Variants in CPA6 observed in about 807,000 individuals in gnomAD.
CPA6 encodes the protein carboxypeptidase B.
In CPA6, 58 loss-of-function variants were observed where a neutral mutation model predicts 63.3. The ratio of observed to expected loss-of-function variants is 0.92; its 90% CI spans 0.74 to 1.14. The LOEUF (loss-of-function observed/expected upper bound fraction) is 1.14, where lower values mean the gene tolerates loss of function less well. Among genes scored for constraint, CPA6 ranks in the 50% most tolerant of loss-of-function variants. The probability of loss-of-function intolerance (pLI) is 0.00; values close to 1 mark genes in which losing one functional copy is unlikely to be tolerated. For missense variants in CPA6, 565 were observed against 526.6 expected, an observed-to-expected ratio of 1.07 and a Z score of -0.71; for synonymous variants, 185 against 179.0, an observed-to-expected ratio of 1.03 and a Z score of -0.27.
At chr8:67,447,663 A>G (rs1465563292) in intron 8 of CPA6, among the ~76,000 whole-genome samples, 1 of 152,172 alleles carries the variant, frequency 6.6e-6, no homozygotes, top group African/African-American at 2.4e-5. Context: ...GTTACTATTT[A>G]TATTTCCACA....
intron 1 of CPA6, among the ~76,000 whole-genome samples, chr8:67,684,551 T>A (rs1222365682): frequency 6.6e-6 from 1 of 152,078 alleles, no homozygotes; most frequent in Non-Finnish European, 1.5e-5. Context: ...GGAATGACAA[T>A]GAAACAGAGC....
intron 2 of CPA6, among the ~76,000 whole-genome samples, chr8:67,562,215 C>T (rs1404013476): frequency 6.6e-6 from 1 of 152,156 alleles, no homozygotes; most frequent in Non-Finnish European, 1.5e-5. Context: ...TAGGCCTTTC[C>T]AACCTCAAAT....
chr8:67,639,449 C>G (rs1815540550), intron 1 of CPA6, among the ~76,000 whole-genome samples: 1 of 151,800 alleles, frequency 6.6e-6, no homozygotes, highest in South Asian at 2.1e-4. Flanking sequence ...GCTAGGCACA[C>G]AGACTGTGCT....
chr8:67,493,214 T>C (rs1263695208), intron 6 of CPA6, among the ~76,000 whole-genome samples: 2 of 152,226 alleles, frequency 1.3e-5, no homozygotes, highest in African/African-American at 2.4e-5. Context: ...AGTTCTCTTC[T>C]TAAAAATGTT....
chr8:67,690,295 C>A (rs1438468970), intron 1 of CPA6, among the ~76,000 whole-genome samples: 1 of 152,046 alleles, frequency 6.6e-6, no homozygotes, highest in Non-Finnish European at 1.5e-5. Flanking sequence ...TTTGATATAT[C>A]AGAGGTTAAT....
chr8:67,672,181 G>T (rs780851288), intron 1 of CPA6, among the ~76,000 whole-genome samples: 2 of 152,002 alleles, frequency 1.3e-5, no homozygotes, highest in Non-Finnish European at 2.9e-5. Flanking sequence ...CAGTTTAATG[G>T]CATGAACAAA....
intron 2 of CPA6, among the ~76,000 whole-genome samples, chr8:67,586,393 G>A (rs1367910009): frequency 2.0e-5 from 3 of 152,148 alleles, no homozygotes; most frequent in Non-Finnish European, 4.4e-5. Flanking sequence ...ATAGAAGATT[G>A]TTGGATCAGA....
chr8:67,698,207 G>C (rs888291621), intron 1 of CPA6, among the ~76,000 whole-genome samples: 6 of 152,184 alleles, frequency 3.9e-5, no homozygotes, highest in Non-Finnish European at 7.3e-5. Flanking sequence ...TCTTATGTCT[G>C]TCCAGATGGG....
At chr8:67,638,627 T>G (rs1815522451) in intron 1 of CPA6, among the ~76,000 whole-genome samples, 1 of 151,456 alleles carries the variant, frequency 6.6e-6, no homozygotes, top group Non-Finnish European at 1.5e-5. Flanking sequence ...TGAAGGGAAG[T>G]GCTTCATCTA....
intron 1 of CPA6, among the ~76,000 whole-genome samples, chr8:67,626,471 G>A (rs1368593367): frequency 6.6e-6 from 1 of 152,052 alleles, no homozygotes; most frequent in Non-Finnish European, 1.5e-5. Flanking sequence ...TTACAGCTTT[G>A]ATTTCCTCAA....
intron 4 of CPA6, among the ~76,000 whole-genome samples, chr8:67,509,891 G>A (rs905135059): frequency 2.0e-5 from 3 of 151,936 alleles, no homozygotes; most frequent in Non-Finnish European, 1.5e-5. Flanking sequence ...ATTAATATAC[G>A]GGTAACAGAT....
intron 1 of CPA6, among the ~76,000 whole-genome samples, chr8:67,739,507 T>C (rs147350999): frequency 4.7e-4 from 71 of 152,330 alleles, no homozygotes; most frequent in African/African-American, 1.4e-3. Context: ...TCCTTTGTAG[T>C]TCCTAACGCC....
intron 2 of CPA6, among the ~76,000 whole-genome samples, chr8:67,584,356 C>T (rs1368758178): frequency 6.6e-6 from 1 of 152,038 alleles, no homozygotes; most frequent in Admixed American, 6.6e-5. Context: ...ATGTCTTGTT[C>T]ATCACTGAGG....
At chr8:67,468,044 C>T (rs1284164384) in intron 8 of CPA6, among the ~76,000 whole-genome samples, 4 of 151,718 alleles carry the variant, frequency 2.6e-5, no homozygotes, top group East Asian at 3.9e-4. Flanking sequence ...GGCGACAGAA[C>T]GGGACACCAT....
chr8:67,654,057 T>C (rs1293575329), intron 1 of CPA6, among the ~76,000 whole-genome samples: 1 of 152,232 alleles, frequency 6.6e-6, no homozygotes, highest in African/African-American at 2.4e-5. Flanking sequence ...CTGATTTGCA[T>C]ATATTGAACC....
At chr8:67,669,791 A>T (rs948474792) in intron 1 of CPA6, among the ~76,000 whole-genome samples, 9 of 135,856 alleles carry the variant, frequency 6.6e-5, no homozygotes, top group Non-Finnish European at 1.2e-4. Flanking sequence ...AAATTATCTA[A>T]AGACAAAAAA....
At chr8:67,482,441 A>T (rs1259313610) in intron 8 of CPA6, among the ~76,000 whole-genome samples, 1 of 152,196 alleles carries the variant, frequency 6.6e-6, no homozygotes, top group Non-Finnish European at 1.5e-5. Context: ...ACAATTTCTA[A>T]ATAGAAATAG....
chr8:67,738,405 G>A (rs2553670), intron 1 of CPA6, among the ~76,000 whole-genome samples: 124,654 of 152,216 alleles, frequency 0.82, 51,261 homozygotes, highest in Admixed American at 0.86. Context: ...TGGCAGAGCT[G>A]CAAGACAGAA....
At chr8:67,596,797 C>T (rs777480888) in intron 2 of CPA6, among the ~76,000 whole-genome samples, 1 of 152,178 alleles carries the variant, frequency 6.6e-6, no homozygotes, top group African/African-American at 2.4e-5. Flanking sequence ...TTAATTTAAA[C>T]AGTGCCTTAG....
Sources: allele counts gnomAD v4.1 joint callset (sites outside exome capture counted in the v4.1 genomes callset), GRCh38; gene constraint gnomAD v4.1.1; transcripts MANE v1.5; gene names NCBI Gene and HGNC (gene_info 2026-07-23, HGNC 2026-07-21).